SCHIP1: variants seen among roughly 807,000 people sequenced by gnomAD.
SCHIP1 encodes schwannomin interacting protein 1.
In SCHIP1, 8 loss-of-function variants were observed where a neutral mutation model predicts 29.7. That is an observed-to-expected ratio of 0.27 (90% confidence interval 0.16 to 0.49). The LOEUF (loss-of-function observed/expected upper bound fraction) is 0.49. Ranked by LOEUF, SCHIP1 falls within the 20% of genes least tolerant of loss-of-function variation. SCHIP1 has a pLI of 0.99. For synonymous variants in SCHIP1, 76 were observed against 94.9 expected (o/e 0.80, Z 1.16); for missense variants, 193 against 294.6 (o/e 0.66, Z 2.52).
chr3:159,856,087 T>C (rs1455714727), intron 1 of SCHIP1, among the ~76,000 whole-genome samples: 1 of 152,204 alleles, frequency 6.6e-6, no homozygotes, highest in Admixed American at 6.5e-5. Flanking sequence ...GTTCAGCCCA[T>C]TATTTCCCTG....
rs138946825 is a variant in SCHIP1 at position 159,887,298 on chromosome 3, A to G, written c.268-410A>G. On this transcript the variant is annotated intron_variant, in intron 3 of 6. Coordinates refer to ENST00000445224, the Ensembl canonical transcript of SCHIP1. ...TAGCCTTTTTTACCAAAGACCAACA[A>G]AGAGGAAACTGTTGTCGTTGAGTGC... is the stretch of plus-strand genomic sequence containing the variant. 1.3e-3 allele frequency: 226 copies of G among 167,758 alleles called. 2 individuals are homozygous for G. The highest frequency in any genetic ancestry group is 5.1e-3 in the African/African-American group (215 of 41,916). The allele number at this position is 167,758 out of a possible 1,614,324, so 10.4% of individuals were successfully genotyped here. A position where few individuals can be genotyped will look rare whatever the true frequency, so the allele number is the denominator to read the frequency against.
At chr3:159,775,430 G>A in the SCHIP1 span, among the ~76,000 whole-genome samples, 1 of 152,084 alleles carries the variant, frequency 6.6e-6, no homozygotes, top group Admixed American at 6.6e-5. Flanking sequence ...TGCCTCCCTG[G>A]GCATACCCCA....
the SCHIP1 span, among the ~76,000 whole-genome samples, chr3:159,569,825 A>G: frequency 6.6e-6 from 1 of 152,134 alleles, no homozygotes; most frequent in Non-Finnish European, 1.5e-5. Context: ...CCTCTCCAGC[A>G]TATGTTGTTT....
chr3:159,314,532 T>C, the SCHIP1 span, among the ~76,000 whole-genome samples: 1 of 152,174 alleles, frequency 6.6e-6, no homozygotes, highest in Non-Finnish European at 1.5e-5. Context: ...TTTCTCTTAA[T>C]AGGGGAAAAT....
the SCHIP1 span, among the ~76,000 whole-genome samples, chr3:159,607,569 G>C: frequency 1.3e-5 from 2 of 152,062 alleles, no homozygotes; most frequent in Non-Finnish European, 2.9e-5. Context: ...GGAGAACCAG[G>C]GCCACAGAGA....
At chr3:159,803,848 T>A in the SCHIP1 span, among the ~76,000 whole-genome samples, 1 of 152,300 alleles carries the variant, frequency 6.6e-6, no homozygotes, top group East Asian at 1.9e-4. Context: ...ACCAATTACA[T>A]GTATATTTCA....
the SCHIP1 span, among the ~76,000 whole-genome samples, chr3:159,345,481 C>A: frequency 2.0e-5 from 3 of 152,056 alleles, no homozygotes; most frequent in Non-Finnish European, 1.5e-5. Flanking sequence ...CTCCCCAAGG[C>A]AGAGCCAGGA....
chr3:159,548,627 T>C, the SCHIP1 span, among the ~76,000 whole-genome samples: 1 of 152,028 alleles, frequency 6.6e-6, no homozygotes, highest in African/African-American at 2.4e-5. Flanking sequence ...TATTGGATTA[T>C]TTCTATTGCT....
chr3:159,600,627 A>C, the SCHIP1 span, among the ~76,000 whole-genome samples: 1 of 152,118 alleles, frequency 6.6e-6, no homozygotes, highest in East Asian at 1.9e-4. Context: ...TATCTCACTA[A>C]GCTTATTTAA....
chr3:159,474,961 C>G, the SCHIP1 span, among the ~76,000 whole-genome samples: 1 of 152,070 alleles, frequency 6.6e-6, no homozygotes, highest in Non-Finnish European at 1.5e-5. Flanking sequence ...TTGATAAACA[C>G]GTAGAGAAAT....
chr3:159,391,992 G>A, the SCHIP1 span, among the ~76,000 whole-genome samples: 4 of 152,176 alleles, frequency 2.6e-5, no homozygotes, highest in African/African-American at 7.2e-5. Context: ...AGGTTAGAGC[G>A]AGACTCTGGC....
At chr3:159,402,261 C>T in the SCHIP1 span, among the ~76,000 whole-genome samples, 1 of 151,982 alleles carries the variant, frequency 6.6e-6, no homozygotes. Context: ...GAATGGCGAT[C>T]GTTAAAAAGT....
the SCHIP1 span, among the ~76,000 whole-genome samples, chr3:159,684,335 G>T: frequency 6.6e-6 from 1 of 152,256 alleles, no homozygotes; most frequent in Non-Finnish European, 1.5e-5. Context: ...AAGGGCTCTG[G>T]CTTAGGCTTT....
the SCHIP1 span, among the ~76,000 whole-genome samples, chr3:159,673,270 G>A: frequency 1.3e-5 from 2 of 152,336 alleles, no homozygotes; most frequent in East Asian, 1.9e-4. Context: ...CAAAGTCTCA[G>A]CTGTGCAGAG....
At chr3:159,704,417 T>TAAAAAAA in the SCHIP1 span, among the ~76,000 whole-genome samples, 10 of 92,640 alleles carry the variant, frequency 1.1e-4, no homozygotes, top group African/African-American at 3.7e-4. Context: ...CAATTTTTTC[T>TAAAAAAA]AAAAAAAAAA....
chr3:159,735,441 T>G, the SCHIP1 span, among the ~76,000 whole-genome samples: 1 of 151,982 alleles, frequency 6.6e-6, no homozygotes, highest in Admixed American at 6.6e-5. Context: ...TGTTGGCCAG[T>G]CTGGTCTTGA....
At chr3:159,274,733 T>G in the SCHIP1 span, 1 of 823,030 alleles carries the variant, frequency 1.2e-6, no homozygotes, top group Non-Finnish European at 1.5e-6. Context: ...TAAGAGAACA[T>G]ATTGTCATTA....
chr3:159,837,607 C>T (rs115826551), upstream of SCHIP1, among the ~76,000 whole-genome samples: 510 of 152,148 alleles, frequency 3.4e-3, 3 homozygotes, highest in African/African-American at 0.011. Context: ...CCTGTAGTCC[C>T]GGCTACTCCG....
the SCHIP1 span, among the ~76,000 whole-genome samples, chr3:159,689,845 A>G: frequency 6.6e-6 from 1 of 152,164 alleles, no homozygotes; most frequent in Non-Finnish European, 1.5e-5. Flanking sequence ...TTCTGCATCT[A>G]TTGAGATAAT....
Sources: gnomAD v4.1 joint callset for allele counts (sites outside exome capture counted in the v4.1 genomes callset) on GRCh38, gnomAD v4.1.1 for gene constraint, MANE v1.5 for transcripts, NCBI Gene and HGNC (gene_info 2026-07-23, HGNC 2026-07-21) for gene names.